Variants in PKIB observed in about 807,000 individuals in gnomAD.
PKIB encodes cAMP-dependent protein kinase inhibitor beta, also known as PKI-beta.
Under a neutral mutation model 4.5 loss-of-function variants are expected in PKIB, and 2 were observed. That is an observed-to-expected ratio of 0.44 (90% CI 0.18 to 1.39). The LOEUF (loss-of-function observed/expected upper bound fraction) is 1.39. Ranked by LOEUF, PKIB falls within the 40% of genes most tolerant of loss-of-function variation. PKIB has a pLI of 0.27. For missense variants in PKIB, 94 were observed against 92.6 expected, an observed-to-expected ratio of 1.02 and a Z score of -0.06; for synonymous variants, 38 against 36.0, an observed-to-expected ratio of 1.06 and a Z score of -0.20.
chr6:122,594,863 C>T (rs1027945744), intron 3 of PKIB, among the ~76,000 whole-genome samples: 1 of 152,102 alleles, frequency 6.6e-6, no homozygotes, highest in African/African-American at 2.4e-5. Context: ...ATTTCTTTAC[C>T]TTGGTTATGG....
rs531417233 is a variant in PKIB at position 122,530,326 on chromosome 6, T to G, written c.-248+52387T>G. Among the ~76,000 whole-genome samples the G allele has an allele frequency of 2.7e-3, 411 of 152,280 alleles. 1 individual carries two copies. Among genetic ancestry groups the G allele is most frequent in the African/African-American group, 9.6e-3 (397 of 41,562 alleles). ...CCATATTCTAATTTTGGTCACAGATTGTTTTTGGTTTTGTTTAGTCATTTA... is the reference window on the plus strand; with the variant it reads ...CCATATTCTAATTTTGGTCACAGATGGTTTTTGGTTTTGTTTAGTCATTTA... On this transcript the variant is annotated intron_variant, in intron 2 of 6. Transcript: ENST00000392491.
Position 122,725,161 on chromosome 6 carries a change from A to T in PKIB, c.203A>T (p.Asp68Val), listed in dbSNP as rs1415162324. 2 of 1,611,866 alleles carry T rather than the reference A, an allele frequency of 1.2e-6. No homozygotes were observed. Among genetic ancestry groups the T allele is most frequent in the African/African-American group, 2.7e-5 (2 of 74,776 alleles). ...AKEKDEKTTQ[D>V]QLEKPQNEEK Reference sequence around the variant, plus strand: ...GAGAAAGATGAAAAAACAACACAAGACCAATTGGAAAAGCCTCAAAATGAA... The same window carrying T: ...GAGAAAGATGAAAAAACAACACAAGTCCAATTGGAAAAGCCTCAAAATGAA... Residue 68 changes from aspartate to valine, a missense_variant, in exon 5 of 5, where the codon GAC becomes GTC. By Grantham distance (152) the Asp-to-Val change is radical. Transcript: ENST00000368452.
chr6:122,518,756 T>A (rs559719212), intron 2 of PKIB, among the ~76,000 whole-genome samples: 125 of 152,260 alleles, frequency 8.2e-4, no homozygotes, highest in Middle Eastern at 6.8e-3. Context: ...AAGAATTAAG[T>A]CCATGAGGCT....
intron 2 of PKIB, among the ~76,000 whole-genome samples, chr6:122,487,415 C>G (rs927550873): frequency 1.3e-5 from 2 of 152,150 alleles, no homozygotes; most frequent in African/African-American, 4.8e-5. Flanking sequence ...GTTCACCCCC[C>G]AAAATTCATA....
At chr6:122,635,547 T>TAAAAAAAAAAAAAAAATAAAAAAAAAAA (rs79870623) in intron 2 of PKIB, among the ~76,000 whole-genome samples, 1 of 83,778 alleles carries the variant, frequency 1.2e-5, no homozygotes, top group Admixed American at 1.2e-4. Context: ...ACCAAAAAAG[T>TAAAAAAAAAAAAAAAATAAAAAAAAAAA]AAAAAAAAAA....
intron 4 of PKIB, among the ~76,000 whole-genome samples, chr6:122,720,776 G>A (rs6939596): frequency 0.99 from 150,299 of 151,988 alleles, 74,336 homozygotes; most frequent in Middle Eastern, 1. Flanking sequence ...ATCTTGGTTC[G>A]CTTCAACCTC....
chr6:122,543,552 G>A (rs1008965156), intron 2 of PKIB, among the ~76,000 whole-genome samples: 6 of 151,700 alleles, frequency 4.0e-5, no homozygotes, highest in African/African-American at 4.9e-5. Context: ...GCTAATTTTC[G>A]TATTTTTAGT....
chr6:122,679,921 A>ATCT (rs1777830042), intron 3 of PKIB, among the ~76,000 whole-genome samples: 1 of 152,194 alleles, frequency 6.6e-6, no homozygotes, highest in South Asian at 2.1e-4. Context: ...CCCTTAGATA[A>ATCT]TAGGTAGAGG....
At chr6:122,513,152 C>G (rs1296898587) in intron 2 of PKIB, among the ~76,000 whole-genome samples, 1 of 152,194 alleles carries the variant, frequency 6.6e-6, no homozygotes, top group Non-Finnish European at 1.5e-5. Context: ...TTCTTCCCTT[C>G]CCTGTAAGAC....
chr6:122,663,152 A>G (rs983464585), intron 2 of PKIB, among the ~76,000 whole-genome samples: 18 of 152,178 alleles, frequency 1.2e-4, no homozygotes, highest in African/African-American at 4.3e-4. Context: ...GATGACACCT[A>G]AAAGCACTAG....
chr6:122,496,941 C>T (rs1019066240), intron 2 of PKIB, among the ~76,000 whole-genome samples: 3 of 152,038 alleles, frequency 2.0e-5, no homozygotes, highest in African/African-American at 7.2e-5. Context: ...TGCCTAAGGT[C>T]AATGCTAAAG....
intron 3 of PKIB, among the ~76,000 whole-genome samples, chr6:122,690,930 A>ATTTTTTTTTTT (rs1287193423): frequency 7.6e-6 from 1 of 131,126 alleles, no homozygotes; most frequent in African/African-American, 3.0e-5. Context: ...ATATATATAT[A>ATTTTTTTTTTT]TATTTTTTTT....
chr6:122,725,312 A>C lies in PKIB; in HGVS notation c.*117A>C, dbSNP rs1039316243. 11 of 761,982 alleles carry C rather than the reference A, an allele frequency of 1.4e-5. No individual in the cohort carries two copies. The Middle Eastern group carries it at 1.9e-3, about 130-fold the overall frequency. 47.2% of individuals were successfully genotyped at this position (761,982 alleles called of 1,614,324 possible). On this transcript the variant is annotated 3_prime_UTR_variant, in exon 5 of 5. Coordinates refer to ENST00000368452, the MANE Select transcript of PKIB (RefSeq NM_181795.3). ...TGGTAACATTGCAGCCCTAAGCAGC[A>C]TGTGTATATTAGATAATTGTGTTGT... is the stretch of plus-strand genomic sequence containing the variant.
At chr6:122,477,242 T>C (rs1775473111) in intron 1 of PKIB, among the ~76,000 whole-genome samples, 1 of 152,198 alleles carries the variant, frequency 6.6e-6, no homozygotes, top group South Asian at 2.1e-4. Flanking sequence ...TATTGGACAA[T>C]GCAGGTCTGT....
At chr6:122,473,294 G>C (rs1775359850) in intron 1 of PKIB, among the ~76,000 whole-genome samples, 1 of 152,150 alleles carries the variant, frequency 6.6e-6, no homozygotes, top group African/African-American at 2.4e-5. Context: ...TAAAGAATAT[G>C]TTTATTAGCC....
intron 2 of PKIB, among the ~76,000 whole-genome samples, chr6:122,545,975 G>T (rs528163572): frequency 6.6e-6 from 1 of 151,730 alleles, no homozygotes; most frequent in Non-Finnish European, 1.5e-5. Flanking sequence ...GGGTGCCCAG[G>T]TATAGCGTTA....
At chr6:122,693,905 G>T (rs182444166) in intron 3 of PKIB, among the ~76,000 whole-genome samples, 35 of 152,194 alleles carry the variant, frequency 2.3e-4, no homozygotes, top group Admixed American at 2.1e-3. Context: ...TCTAGACAAG[G>T]CCATCAGCAT....
intron 2 of PKIB, among the ~76,000 whole-genome samples, chr6:122,553,478 C>CTTTTTTTTTTTTTTTTT (rs1562249215): frequency 3.3e-4 from 16 of 48,912 alleles, no homozygotes; most frequent in East Asian, 1.5e-3. Context: ...GCTCAAATAT[C>CTTTTTTTTTTTTTTTTT]TTCTTTTTTT....
At chr6:122,723,445 AT>A (rs1280936015) in intron 4 of PKIB, among the ~76,000 whole-genome samples, 5 of 152,164 alleles carry the variant, frequency 3.3e-5, no homozygotes, top group African/African-American at 1.2e-4. Flanking sequence ...ATTGCCAAAA[AT>A]ATTGGAATCA....
Sources: gnomAD v4.1 joint callset for allele counts (sites outside exome capture counted in the v4.1 genomes callset) on GRCh38, gnomAD v4.1.1 for gene constraint, MANE v1.5 for transcripts, NCBI Gene and HGNC (gene_info 2026-07-23, HGNC 2026-07-21) for gene names.